CHMP4C: variants seen among roughly 807,000 people sequenced by gnomAD.
CHMP4C encodes the protein SNF7 homolog associated with Alix 3.
CHMP4C carries 28 observed loss-of-function variants against 29.0 expected under a neutral mutation model. The ratio of observed to expected loss-of-function variants is 0.97; its 90% CI spans 0.72 to 1.32. CHMP4C has a LOEUF of 1.32. CHMP4C is among the 40% of genes most tolerant of loss of function. The probability of loss-of-function intolerance (pLI) is 0.00; values close to 1 mark genes in which losing one functional copy is unlikely to be tolerated. For synonymous variants in CHMP4C, 106 were observed against 102.4 expected (o/e 1.04, Z -0.21); for missense variants, 291 against 281.0 (o/e 1.04, Z -0.25).
chr8:81,753,669 G>T (rs1808937389), intron 2 of CHMP4C, among the ~76,000 whole-genome samples: 2 of 152,094 alleles, frequency 1.3e-5, no homozygotes, highest in African/African-American at 4.8e-5. Context: ...GGGTCCATGT[G>T]ATTCCGATGC....
chr8:81,748,166 C>T (rs573313751), intron 1 of CHMP4C, among the ~76,000 whole-genome samples: 11 of 152,250 alleles, frequency 7.2e-5, no homozygotes, highest in East Asian at 3.9e-4. Flanking sequence ...CTGTTCTGCC[C>T]GGCTCACTGG....
At chr8:81,744,628 C>G (rs1283493192) in intron 1 of CHMP4C, among the ~76,000 whole-genome samples, 2 of 152,190 alleles carry the variant, frequency 1.3e-5, no homozygotes, top group Non-Finnish European at 2.9e-5. Flanking sequence ...CATATCTCTT[C>G]TTATTCTCCT....
intron 1 of CHMP4C, among the ~76,000 whole-genome samples, chr8:81,735,541 A>C (rs990688639): frequency 6.6e-6 from 1 of 152,204 alleles, no homozygotes; most frequent in African/African-American, 2.4e-5. Context: ...CATTGCTAGA[A>C]TGGCTGTAAT....
chr8:81,734,856 TA>T (rs1808666892), intron 1 of CHMP4C, among the ~76,000 whole-genome samples: 1 of 151,814 alleles, frequency 6.6e-6, no homozygotes, highest in African/African-American at 2.4e-5. Context: ...CTAACTTCCT[TA>T]AATCAAGAAA....
Position 81,732,689 on chromosome 8 carries a change from T to C in CHMP4C, c.63T>C (p.Ser21=), listed in dbSNP as rs752634330. The C allele has an allele frequency of 5.0e-6, 8 of 1,588,634 alleles. No homozygotes were observed. The highest frequency in any genetic ancestry group is 6.9e-6 in the Non-Finnish European group (8 of 1,167,578). The change falls in exon 1 of 5, where the codon AGT becomes AGC. Residue 21 remains serine (S), a synonymous_variant. Transcript: ENST00000297265. ...CTTCTAAGAGCCGAGCCGCTCCCAGTCCCCAGGAGGCCCTGGTCCGACTTC... is the reference window on the plus strand; with the variant it reads ...CTTCTAAGAGCCGAGCCGCTCCCAGCCCCCAGGAGGCCCTGGTCCGACTTC... ...GGSSKSRAAP[S]PQEALVRLRE...
At chr8:81,756,988 G>A (rs1475241631) in intron 3 of CHMP4C, among the ~76,000 whole-genome samples, 8 of 151,978 alleles carry the variant, frequency 5.3e-5, no homozygotes, top group Non-Finnish European at 1.0e-4. Flanking sequence ...CTTTTTATGA[G>A]GCGAATTTAA....
intron 1 of CHMP4C, among the ~76,000 whole-genome samples, chr8:81,750,596 C>G (rs1808888904): frequency 6.6e-6 from 1 of 151,848 alleles, no homozygotes; most frequent in African/African-American, 2.4e-5. Flanking sequence ...AGAGTGATAC[C>G]CTGTGTCAAA....
chr8:81,742,256 C>T (rs1283579740), intron 1 of CHMP4C, among the ~76,000 whole-genome samples: 1 of 152,122 alleles, frequency 6.6e-6, no homozygotes, highest in African/African-American at 2.4e-5. Context: ...ACTTAAAATA[C>T]CAACACTGTA....
At chr8:81,738,376 C>T (rs1003064117) in intron 1 of CHMP4C, among the ~76,000 whole-genome samples, 4 of 152,150 alleles carry the variant, frequency 2.6e-5, no homozygotes, top group African/African-American at 9.7e-5. Flanking sequence ...AGAAGTGAGT[C>T]TCCAGGACAG....
intron 1 of CHMP4C, among the ~76,000 whole-genome samples, chr8:81,745,822 G>C (rs1808816741): frequency 6.6e-6 from 1 of 152,198 alleles, no homozygotes; most frequent in Admixed American, 6.5e-5. Flanking sequence ...GTCTTAGAAA[G>C]AATGTTGTCC....
At chr8:81,746,247 G>A (rs1423675893) in intron 1 of CHMP4C, among the ~76,000 whole-genome samples, 2 of 152,174 alleles carry the variant, frequency 1.3e-5, no homozygotes, top group Non-Finnish European at 2.9e-5. Context: ...CATTCACACA[G>A]GTTTTTAGAA....
At chr8:81,741,920 A>G (rs983154719) in intron 1 of CHMP4C, among the ~76,000 whole-genome samples, 2 of 152,196 alleles carry the variant, frequency 1.3e-5, no homozygotes, top group Non-Finnish European at 2.9e-5. Flanking sequence ...AAACAAACAA[A>G]AGTCTGAATT....
intron 1 of CHMP4C, among the ~76,000 whole-genome samples, chr8:81,749,055 T>C (rs551995991): frequency 6.6e-6 from 1 of 152,282 alleles, no homozygotes; most frequent in East Asian, 1.9e-4. Flanking sequence ...TTATCACTAA[T>C]TCTTATAATC....
chr8:81,741,232 C>A (rs1421643259), intron 1 of CHMP4C, among the ~76,000 whole-genome samples: 2 of 151,860 alleles, frequency 1.3e-5, no homozygotes, highest in East Asian at 3.9e-4. Flanking sequence ...CATTTAAATT[C>A]CACAAGGATG....
At chr8:81,755,755 C>T (rs1225961802) in intron 3 of CHMP4C, among the ~76,000 whole-genome samples, 1 of 152,120 alleles carries the variant, frequency 6.6e-6, no homozygotes, top group Non-Finnish European at 1.5e-5. Context: ...GTGGTTGAAG[C>T]CTAAACAGCC....
Position 81,748,375 on chromosome 8 carries a change from A to G in CHMP4C, c.191-4689A>G, listed in dbSNP as rs537272000. ...TTAAGAGATTAAAATAAAGACAGGC[A>G]TAGGAAATCACAAGGGTATTGATTG... On this transcript the variant is annotated intron_variant, in intron 1 of 4. Transcript: ENST00000297265. 2.6e-5 allele frequency among the ~76,000 whole-genome samples: 4 copies of G among 152,322 alleles called. No homozygotes were observed. The South Asian group carries it at 8.3e-4, about 32-fold the overall frequency.
intron 3 of CHMP4C, among the ~76,000 whole-genome samples, chr8:81,757,064 T>C (rs1404601985): frequency 6.6e-6 from 1 of 152,164 alleles, no homozygotes; most frequent in African/African-American, 2.4e-5. Context: ...AATGTTGTGG[T>C]TGGCTTAAAT....
intron 1 of CHMP4C, among the ~76,000 whole-genome samples, chr8:81,740,638 A>G (rs550908473): frequency 3.9e-5 from 6 of 152,182 alleles, no homozygotes; most frequent in Non-Finnish European, 8.8e-5. Flanking sequence ...ACTCCTTATC[A>G]TCTTATTTCT....
intron 1 of CHMP4C, among the ~76,000 whole-genome samples, chr8:81,733,247 A>G (rs1054244854): frequency 6.6e-6 from 1 of 152,118 alleles, no homozygotes; most frequent in Middle Eastern, 3.2e-3. Context: ...ATTTTTTAAT[A>G]TTAATTTTGA....
Sources: allele counts gnomAD v4.1 joint callset (sites outside exome capture counted in the v4.1 genomes callset), GRCh38; gene constraint gnomAD v4.1.1; transcripts MANE v1.5; gene names NCBI Gene and HGNC (gene_info 2026-07-23, HGNC 2026-07-21).